The following CD82 variants were observed in gnomAD, a reference collection of about 807,000 sequenced individuals.
The protein encoded by CD82 is CD82 antigen.
A neutral mutation model predicts 37.4 loss-of-function variants in CD82; 36 were observed. The ratio of observed to expected loss-of-function variants is 0.96; its 90% CI spans 0.74 to 1.27. The LOEUF is 1.27. Among genes scored for constraint, CD82 ranks in the 50% most tolerant of loss-of-function variants. CD82 has a pLI of 0.00. For missense variants in CD82, 340 were observed against 347.0 expected, an observed-to-expected ratio of 0.98 and a Z score of 0.16; for synonymous variants, 158 against 137.4, an observed-to-expected ratio of 1.15 and a Z score of -1.05.
chr11:44,581,864 TCCA>T (rs1406909395), intron 1 of CD82, among the ~76,000 whole-genome samples: 1 of 152,214 alleles, frequency 6.6e-6, no homozygotes, highest in Non-Finnish European at 1.5e-5. Context: ...GCCCTCTGTG[TCCA>T]CCTTCTTCAT....
At chr11:44,567,714 C>T (rs61881362) in intron 1 of CD82, among the ~76,000 whole-genome samples, 6,689 of 152,072 alleles carry the variant, frequency 0.044, 201 homozygotes, top group Non-Finnish European at 0.063. Context: ...ACTTCCTGCT[C>T]GATGAATGAC....
intron 1 of CD82, among the ~76,000 whole-genome samples, chr11:44,582,130 C>T (rs996562117): frequency 6.6e-6 from 1 of 152,116 alleles, no homozygotes; most frequent in Non-Finnish European, 1.5e-5. Flanking sequence ...GCACCACTGT[C>T]CCCCCTGTGT....
chr11:44,570,509 G>A (rs1255033574), intron 1 of CD82, among the ~76,000 whole-genome samples: 1 of 152,226 alleles, frequency 6.6e-6, no homozygotes, highest in African/African-American at 2.4e-5. Flanking sequence ...CTTGGGTGAG[G>A]CCGGGGGTAT....
At chr11:44,572,277 C>T (rs1852824565) in intron 1 of CD82, among the ~76,000 whole-genome samples, 1 of 152,226 alleles carries the variant, frequency 6.6e-6, no homozygotes, top group South Asian at 2.1e-4. Context: ...ATGTAACGTA[C>T]CCGTTACGAA....
intron 6 of CD82, 53 bp from the exon 7 acceptor site, chr11:44,615,219 G>A (rs1441228252): frequency 9.9e-6 from 12 of 1,217,020 alleles, no homozygotes; most frequent in Non-Finnish European, 7.3e-6. Flanking sequence ...GTGACCACAG[G>A]TGGGCACGGG....
chr11:44,585,919 G>T (rs986744283), intron 1 of CD82, among the ~76,000 whole-genome samples: 1 of 152,230 alleles, frequency 6.6e-6, no homozygotes, highest in African/African-American at 2.4e-5. Context: ...GACTGGAGTA[G>T]AGGGAGCCTT....
chr11:44,614,681 G>A (rs1853535652), intron 6 of CD82, among the ~76,000 whole-genome samples: 2 of 152,192 alleles, frequency 1.3e-5, no homozygotes, highest in Admixed American at 1.3e-4. Context: ...ATTGGTTGGG[G>A]GAGAGGGGAT....
At chr11:44,574,016 G>A (rs577509814) in intron 1 of CD82, among the ~76,000 whole-genome samples, 1 of 152,304 alleles carries the variant, frequency 6.6e-6, no homozygotes, top group African/African-American at 2.4e-5. Context: ...GGAAATGATA[G>A]GGAGTCTTCC....
At chr11:44,585,058 C>T (rs929991699) in intron 1 of CD82, 3 of 370,836 alleles carry the variant, frequency 8.1e-6, no homozygotes, top group Non-Finnish European at 1.6e-5. Flanking sequence ...GAGTCTCAAG[C>T]AGTTCCCAGT....
rs145619001 is a variant in CD82, at chr11:44,603,516, G to A, written c.137-1542G>A. On this transcript the variant is annotated intron_variant, in intron 4 of 9. Coordinates refer to ENST00000227155, the MANE Select transcript of CD82 (RefSeq NM_002231.4). ...GTGCTTAGGGGAGCAGATTAAAAACGCAGGTCCTTGGCCTCCTGCTGGGAG... is the reference window on the plus strand; with the variant it reads ...GTGCTTAGGGGAGCAGATTAAAAACACAGGTCCTTGGCCTCCTGCTGGGAG... 2.3e-3 allele frequency among the ~76,000 whole-genome samples: 351 copies of A among 152,288 alleles called. 3 individuals carry two copies. Among genetic ancestry groups the A allele is most frequent in the African/African-American group, 7.9e-3 (330 of 41,546 alleles).
intron 9 of CD82, 74 bp downstream of exon 9, chr11:44,618,797 G>T (rs1853610793): frequency 7.5e-7 from 1 of 1,330,094 alleles, no homozygotes; most frequent in Admixed American, 1.9e-5. Flanking sequence ...GATCTCCTTG[G>T]GGAGGTGGTG....
intron 6 of CD82, among the ~76,000 whole-genome samples, chr11:44,614,430 G>C (rs1384875794): frequency 6.6e-6 from 1 of 152,226 alleles, no homozygotes; most frequent in East Asian, 1.9e-4. Flanking sequence ...AGACCATGGT[G>C]GTTAGGTGTG....
Position 44,604,668 on chromosome 11 carries a change from G to A in CD82, c.137-390G>A, listed in dbSNP as rs928547026. The A allele has an allele frequency of 7.6e-5, 23 of 303,294 alleles. No individual in the cohort carries two copies. The Admixed American group carries it at 1.1e-3, about 15-fold the overall frequency. The allele number at this position is 303,294 out of a possible 1,614,324, so 18.8% of individuals were successfully genotyped here. ...TGCACAGCACCTCACTGCGAGAGGCGCTGTTCGAGCTGGGGGTTCCCCAGG... is the reference window on the plus strand; with the variant it reads ...TGCACAGCACCTCACTGCGAGAGGCACTGTTCGAGCTGGGGGTTCCCCAGG... On this transcript the variant is annotated intron_variant, in intron 4 of 9. Coordinates refer to ENST00000227155, the MANE Select transcript of CD82 (RefSeq NM_002231.4).
At chr11:44,588,455 C>G (rs1389374358) in intron 2 of CD82, among the ~76,000 whole-genome samples, 1 of 152,126 alleles carries the variant, frequency 6.6e-6, no homozygotes, top group African/African-American at 2.4e-5. Context: ...AACTCCTGAC[C>G]TCGTGATCCG....
At chr11:44,580,208 C>G (rs1319906167) in intron 1 of CD82, among the ~76,000 whole-genome samples, 4 of 152,258 alleles carry the variant, frequency 2.6e-5, no homozygotes, top group African/African-American at 7.2e-5. Flanking sequence ...ACCCTCCACA[C>G]CGGCCCATCT....
chr11:44,580,836 C>A (rs1244792261), intron 1 of CD82, among the ~76,000 whole-genome samples: 1 of 152,168 alleles, frequency 6.6e-6, no homozygotes, highest in Admixed American at 6.5e-5. Context: ...AAAGTCTGTG[C>A]TGGAGAATGT....
At chr11:44,605,452 C>T in intron 6 of CD82, 23 bp downstream of exon 6, 2 of 1,607,596 alleles carry the variant, frequency 1.2e-6, no homozygotes, top group Non-Finnish European at 1.7e-6. Flanking sequence ...CTCCCTCCCT[C>T]TTCACTGGGC....
intron 6 of CD82, among the ~76,000 whole-genome samples, chr11:44,613,706 C>G (rs1261331179): frequency 6.6e-6 from 1 of 152,078 alleles, no homozygotes; most frequent in Non-Finnish European, 1.5e-5. Flanking sequence ...GCCTGTAGCC[C>G]CAGCTACCTG....
intron 6 of CD82, among the ~76,000 whole-genome samples, chr11:44,610,240 T>G (rs946798214): frequency 6.6e-6 from 1 of 152,184 alleles, no homozygotes; most frequent in African/African-American, 2.4e-5. Context: ...ACATGTGTCC[T>G]TCGAGAGAGG....
Sources: allele counts gnomAD v4.1 joint callset (sites outside exome capture counted in the v4.1 genomes callset), GRCh38; gene constraint gnomAD v4.1.1; transcripts MANE v1.5; gene names NCBI Gene and HGNC (gene_info 2026-07-23, HGNC 2026-07-21).